The following KHDRBS2 variants were observed in gnomAD, a reference collection of about 807,000 sequenced individuals.
The protein encoded by KHDRBS2 is KH domain-containing, RNA-binding, signal transduction-associated protein 2.
In KHDRBS2, 26 loss-of-function variants were observed where a neutral mutation model predicts 44.3. That is an observed-to-expected ratio of 0.59 (90% CI 0.43 to 0.81). The LOEUF (loss-of-function observed/expected upper bound fraction) is 0.81. KHDRBS2 is among the 40% of genes least tolerant of loss of function. The pLI is 0.00. For missense variants in KHDRBS2, 476 were observed against 433.1 expected (o/e 1.10, Z -0.88); for synonymous variants, 194 against 151.1 (o/e 1.28, Z -2.08).
At chr6:61,713,952 C>A (rs796348112) in intron 7 of KHDRBS2, among the ~76,000 whole-genome samples, 31 of 151,910 alleles carry the variant, frequency 2.0e-4, no homozygotes, top group African/African-American at 7.2e-4. Context: ...TAGAAAAAAA[C>A]TTAGGAAAAA....
In KHDRBS2 at chr6:62,107,073, G is replaced by A. The variant is rs542875542; in HGVS notation, c.220-59079C>T. ...TCTCTCACCACTCCTATTCAACATA[G>A]TGTTGGAAGTTCTGGCCAGGGCAAT... On this transcript the variant is annotated intron_variant, in intron 2 of 8. Coordinates refer to ENST00000281156, the MANE Select transcript of KHDRBS2 (RefSeq NM_152688.4). Among the ~76,000 whole-genome samples the A allele has an allele frequency of 8.6e-5, 13 of 152,042 alleles. No individual in the cohort carries two copies. The South Asian group carries it at 2.3e-3, about 27-fold the overall frequency.
chr6:61,643,489 G>T, the KHDRBS2 span, among the ~76,000 whole-genome samples: 1 of 152,048 alleles, frequency 6.6e-6, no homozygotes, highest in Non-Finnish European at 1.5e-5. Flanking sequence ...AAGAAACAAA[G>T]GGCATCCAAA....
chr6:62,021,180 T>C (rs1782233312), intron 3 of KHDRBS2, among the ~76,000 whole-genome samples: 1 of 151,856 alleles, frequency 6.6e-6, no homozygotes, highest in African/African-American at 2.4e-5. Flanking sequence ...AAATACCACA[T>C]ATTCCCACTT....
chr6:61,921,430 G>A (rs1248360114), intron 4 of KHDRBS2, among the ~76,000 whole-genome samples: 1 of 151,934 alleles, frequency 6.6e-6, no homozygotes, highest in Admixed American at 6.6e-5. Flanking sequence ...ATATGTGGGT[G>A]AATATTTTAG....
At chr6:61,672,446 G>C in the KHDRBS2 span, among the ~76,000 whole-genome samples, 10 of 152,050 alleles carry the variant, frequency 6.6e-5, no homozygotes, top group Non-Finnish European at 1.2e-4. Context: ...GGCTGAACTA[G>C]TTTACAGTCC....
chr6:61,761,814 T>C (rs1248816215), intron 6 of KHDRBS2, among the ~76,000 whole-genome samples: 1 of 152,190 alleles, frequency 6.6e-6, no homozygotes, highest in Non-Finnish European at 1.5e-5. Context: ...TGAGTTAATT[T>C]GCACAACTAA....
At chr6:61,980,451 T>C (rs1263260272) in intron 3 of KHDRBS2, among the ~76,000 whole-genome samples, 1 of 152,176 alleles carries the variant, frequency 6.6e-6, no homozygotes, top group Admixed American at 6.5e-5. Context: ...AAATAACTCT[T>C]ATATTGCATT....
chr6:61,716,345 C>T (rs572848934), intron 7 of KHDRBS2, among the ~76,000 whole-genome samples: 59 of 152,048 alleles, frequency 3.9e-4, no homozygotes, highest in African/African-American at 6.7e-4. Flanking sequence ...TTTGCAGCTG[C>T]GGCCCCAGAC....
the KHDRBS2 span, among the ~76,000 whole-genome samples, chr6:61,649,262 C>T: frequency 6.6e-6 from 1 of 152,056 alleles, no homozygotes; most frequent in Admixed American, 6.6e-5. Flanking sequence ...GTCTTTATGA[C>T]CCATGGGATT....
rs1785357039 is a variant in KHDRBS2 at position 62,036,725 on chromosome 6, T to G, written c.336+11153A>C. ...ATAAAATGACCTTCATGTTTATGTT[T>G]TGGGGTATTTCACACCCAATAGTTA... is the stretch of plus-strand genomic sequence containing the variant. On this transcript the variant is annotated intron_variant, in intron 3 of 8. Coordinates refer to ENST00000281156, the MANE Select transcript of KHDRBS2 (RefSeq NM_152688.4). Among the ~76,000 whole-genome samples the G allele has an allele frequency of 3.9e-5, 6 of 152,040 alleles. 1 individual carries two copies. Among genetic ancestry groups the G allele is most frequent in the Admixed American group, 3.3e-4 (5 of 15,212 alleles).
chr6:62,213,142 C>T (rs1829368917), intron 1 of KHDRBS2, among the ~76,000 whole-genome samples: 3 of 151,942 alleles, frequency 2.0e-5, no homozygotes, highest in South Asian at 4.2e-4. Flanking sequence ...AATTTTAATC[C>T]GTTCATAATA....
chr6:61,928,783 A>G (rs1303764860), intron 4 of KHDRBS2, among the ~76,000 whole-genome samples: 2 of 152,110 alleles, frequency 1.3e-5, no homozygotes, highest in Non-Finnish European at 2.9e-5. Context: ...ACCTATGTTT[A>G]AAGAAAAGAT....
chr6:62,275,044 T>C (rs9454823), intron 1 of KHDRBS2, among the ~76,000 whole-genome samples: 303 of 113,090 alleles, frequency 2.7e-3, no homozygotes, highest in African/African-American at 4.7e-3. Flanking sequence ...CACACACACA[T>C]ATATATTCCA....
chr6:61,895,714 T>G (rs1583387859), intron 5 of KHDRBS2, among the ~76,000 whole-genome samples: 1 of 152,288 alleles, frequency 6.6e-6, no homozygotes. Context: ...ACTTTTTATT[T>G]TGTCTGAAAG....
At chr6:61,945,098 AAAAAAAAAAAAAAAG>A (rs1283415647) in intron 4 of KHDRBS2, among the ~76,000 whole-genome samples, 33 of 45,806 alleles carry the variant, frequency 7.2e-4, no homozygotes, top group African/African-American at 2.5e-3. Context: ...CTTAAAAAAA[AAAAAAAAAAAAAAAG>A]TATATATATA....
intron 2 of KHDRBS2, among the ~76,000 whole-genome samples, chr6:62,095,327 T>C (rs1271899096): frequency 3.0e-4 from 45 of 151,846 alleles, no homozygotes; most frequent in Admixed American, 3.0e-3. Flanking sequence ...AGACTGCACA[T>C]ACAAAGGTGG....
chr6:61,774,984 A>C (rs1781698794), intron 6 of KHDRBS2, among the ~76,000 whole-genome samples: 1 of 152,200 alleles, frequency 6.6e-6, no homozygotes, highest in Non-Finnish European at 1.5e-5. Flanking sequence ...AGGCTGGTTC[A>C]ACATACACAA....
At chr6:61,694,755 T>G (rs1453814803) in intron 8 of KHDRBS2, among the ~76,000 whole-genome samples, 1 of 152,122 alleles carries the variant, frequency 6.6e-6, no homozygotes, top group Admixed American at 6.6e-5. Flanking sequence ...GACCCCTTCC[T>G]TCCAATGAGT....
intron 1 of KHDRBS2, among the ~76,000 whole-genome samples, chr6:62,222,958 C>T (rs897607985): frequency 5.9e-5 from 9 of 152,112 alleles, no homozygotes; most frequent in East Asian, 1.9e-4. Flanking sequence ...TCCAGACACA[C>T]GGTGCAAGCT....
Sources: gnomAD v4.1 joint callset for allele counts (sites outside exome capture counted in the v4.1 genomes callset) on GRCh38, gnomAD v4.1.1 for gene constraint, MANE v1.5 for transcripts, NCBI Gene and HGNC (gene_info 2026-07-23, HGNC 2026-07-21) for gene names.